GIMAP4: variants seen among roughly 807,000 people sequenced by gnomAD.
The protein encoded by GIMAP4 is GTPase IMAP family member 4.
In GIMAP4, 12 loss-of-function variants were observed where a neutral mutation model predicts 10.8. The ratio of observed to expected loss-of-function variants is 1.11; its 90% confidence interval spans 0.71 to 1.81. GIMAP4 has a LOEUF of 1.81. Among genes scored for constraint, GIMAP4 ranks in the 40% most tolerant of loss-of-function variants. GIMAP4 has a pLI of 0.00. For synonymous variants in GIMAP4, 149 were observed against 147.2 expected (o/e 1.01, Z -0.09); for missense variants, 412 against 404.6 (o/e 1.02, Z -0.16).
In GIMAP4 at chr7:150,572,794, G is replaced by C; in HGVS notation, c.724G>C (p.Glu242Gln). 2.5e-6 allele frequency: 4 copies of C among 1,614,084 alleles called. No homozygotes were observed. The highest frequency in any genetic ancestry group is 3.4e-6 in the Non-Finnish European group (4 of 1,179,972). The change falls in exon 3 of 3, where the codon GAA (glutamate) becomes CAA (glutamine). Residue 242 changes from glutamate to glutamine, a missense_variant. Coordinates refer to ENST00000255945, the MANE Select transcript of GIMAP4 (RefSeq NM_018326.3). ...EIQKQTQAMQELHRVELEREK... is the reference protein window; with the variant it reads ...EIQKQTQAMQQLHRVELEREK... ...CCAGAAGCAAACACAAGCAATGCAA[G>C]AACTCCACAGAGTGGAGCTGGAGAG... is the stretch of plus-strand genomic sequence containing the variant.
At position 150,572,327 on chromosome 7, in the gene GIMAP4, C is replaced by T. The variant is rs1378718859; in HGVS notation, c.257C>T (p.Thr86Ile). Residue 86 changes from threonine (T) to isoleucine (I), a missense_variant, in exon 3 of 3, where the codon ACA becomes ATA. Physicochemically the swap from Thr to Ile is moderately conservative, Grantham distance 89. Transcript: ENST00000255945. ...GAAACAGAACTTGTCGTAGTTGACA[C>T]ACCAGGCATTTTCGACACAGAGGTG... ...WKETELVVVD[T>I]PGIFDTEVPN... 6.8e-6 allele frequency: 11 copies of T among 1,613,958 alleles called. No homozygotes were observed. Among genetic ancestry groups the T allele is most frequent in the South Asian group, 5.5e-5 (5 of 91,088 alleles).
In GIMAP4 at chr7:150,573,773, A is replaced by G. The variant is rs1795766882; in HGVS notation, c.*713A>G. 1 of 152,182 alleles carries G rather than the reference A, an allele frequency of 6.6e-6. No homozygotes were observed. Among genetic ancestry groups the G allele is most frequent in the Non-Finnish European group, 1.5e-5 (1 of 68,030 alleles). 9.4% of individuals were successfully genotyped at this position (152,182 alleles called of 1,614,324 possible). ...TGTAGAAACTCTTTGACGAACCTCA[A>G]TTTAACCAATTTGATGAATACCCAG... On this transcript the variant is annotated 3_prime_UTR_variant, in exon 3 of 3. Coordinates refer to ENST00000255945, the MANE Select transcript of GIMAP4 (RefSeq NM_018326.3).
chr7:150,572,038 G>A (rs1473017473), intron 2 of GIMAP4, 91 bp from the exon 3 acceptor site: 6 of 773,334 alleles, frequency 7.8e-6, no homozygotes, highest in Admixed American at 2.4e-5. Context: ...AGCCAGTAAC[G>A]GAGGAGGGCA....
Position 150,572,761 on chromosome 7 carries a change from G to A in GIMAP4, c.691G>A (p.Glu231Lys), listed in dbSNP as rs766948682. ...YTNRMYQRAEEEIQKQTQAMQ... is the reference protein window; with the variant it reads ...YTNRMYQRAEKEIQKQTQAMQ... ...TAATAGGATGTACCAAAGGGCGGAG[G>A]AGGAGATCCAGAAGCAAACACAAGC... The change falls in exon 3 of 3, where the codon GAG becomes AAG. Residue 231 changes from glutamate to lysine, a missense_variant. Coordinates refer to ENST00000255945, the MANE Select transcript of GIMAP4 (RefSeq NM_018326.3). The A allele has an allele frequency of 1.2e-6, 2 of 1,614,086 alleles. No homozygotes were observed. The highest frequency in any genetic ancestry group is 1.3e-5 in the African/African-American group (1 of 74,908).
chr7:150,569,190 A>G (rs1795699047), intron 1 of GIMAP4, among the ~76,000 whole-genome samples: 1 of 152,204 alleles, frequency 6.6e-6, no homozygotes, highest in African/African-American at 2.4e-5. Flanking sequence ...AGAACATCTG[A>G]TTGTAGAGTA....
intron 2 of GIMAP4, among the ~76,000 whole-genome samples, chr7:150,571,610 G>A (rs951779943): frequency 5.9e-5 from 9 of 151,996 alleles, no homozygotes; most frequent in African/African-American, 1.5e-4. Context: ...GCGAAACCCC[G>A]TCTCTACTAA....
rs764098043 is a variant in GIMAP4 at position 150,572,315 on chromosome 7, T to G, written c.245T>G (p.Val82Gly). Reference sequence around the variant, plus strand: ...AGCTCATGGAAGGAAACAGAACTTGTCGTAGTTGACACACCAGGCATTTTC... The same window carrying G: ...AGCTCATGGAAGGAAACAGAACTTGGCGTAGTTGACACACCAGGCATTTTC... ...RSSSWKETEL[V>G]VVDTPGIFDT... The change falls in exon 3 of 3, where the codon GTC (valine) becomes GGC (glycine). Residue 82 changes from valine to glycine, a missense_variant. Val to Gly is a moderately radical substitution (Grantham distance 109). Transcript: ENST00000255945. The G allele has an allele frequency of 6.2e-7, 1 of 1,613,824 alleles. No homozygotes were observed. Among genetic ancestry groups the G allele is most frequent in the African/African-American group, 1.3e-5 (1 of 74,910 alleles).
At chr7:150,571,869 T>C (rs1046305044) in intron 2 of GIMAP4, among the ~76,000 whole-genome samples, 7 of 152,208 alleles carry the variant, frequency 4.6e-5, no homozygotes, top group African/African-American at 1.7e-4. Flanking sequence ...CTGGGCTACA[T>C]AGCTACAAAA....
Position 150,573,157 on chromosome 7 carries a change from C to T in GIMAP4, c.*97C>T. The T allele has an allele frequency of 1.3e-6, 1 of 748,978 alleles. No individual in the cohort carries two copies. 46.4% of individuals were successfully genotyped at this position (748,978 alleles called of 1,614,324 possible). ...TAGTCGAGTGCTCTAGTTTCTGTCT[C>T]TCAGGCACTCGTAACTAAGGACCAC... On this transcript the variant is annotated 3_prime_UTR_variant, in exon 3 of 3. Coordinates refer to ENST00000255945, the MANE Select transcript of GIMAP4 (RefSeq NM_018326.3).
chr7:150,568,275 T>TA (rs1307666576), intron 1 of GIMAP4, among the ~76,000 whole-genome samples: 1 of 152,188 alleles, frequency 6.6e-6, no homozygotes, highest in Non-Finnish European at 1.5e-5. Flanking sequence ...AGCTGATTTT[T>TA]AAAAAATGCC....
chr7:150,569,896 G>A lies in GIMAP4; in HGVS notation c.-6G>A. The A allele has an allele frequency of 1.3e-6, 2 of 1,518,344 alleles. No homozygotes were observed. Among genetic ancestry groups the A allele is most frequent in the Non-Finnish European group, 1.8e-6 (2 of 1,092,660 alleles). The allele number at this position is 1,518,344 out of a possible 1,614,324, so 94.1% of individuals were successfully genotyped here. A position where few individuals can be genotyped will look rare whatever the true frequency, so the allele number is the denominator to read the frequency against. ...TGTTTCTTGATCTACAGGAGTTCAAGCGACAATGGCAGCCCAATACGGCAG... is the reference window on the plus strand; with the variant it reads ...TGTTTCTTGATCTACAGGAGTTCAAACGACAATGGCAGCCCAATACGGCAG... On this transcript the variant is annotated 5_prime_UTR_variant, in exon 2 of 3. Coordinates refer to ENST00000255945, the MANE Select transcript of GIMAP4 (RefSeq NM_018326.3).
At position 150,573,818 on chromosome 7, in the gene GIMAP4, A is replaced by C. The variant is rs1360822290; in HGVS notation, c.*758A>C. On this transcript the variant is annotated 3_prime_UTR_variant, in exon 3 of 3. Transcript: ENST00000255945. ...ACCCAGTTCTCTTCTTTTCTAGAGA[A>C]AGATAGTTGCAACCTCACCTCCCTC... 6.6e-6 allele frequency: 1 copy of C among 152,232 alleles called. No individual in the cohort carries two copies. The highest frequency in any genetic ancestry group is 1.5e-5 in the Non-Finnish European group (1 of 68,046). 9.4% of individuals were successfully genotyped at this position (152,232 alleles called of 1,614,324 possible). A position where few individuals can be genotyped will look rare whatever the true frequency, so the allele number is the denominator to read the frequency against.
chr7:150,570,037 A>AAATT, intron 2 of GIMAP4, 78 bp downstream of exon 2: 1 of 426,712 alleles, frequency 2.3e-6, no homozygotes, highest in Non-Finnish European at 4.6e-6. Context: ...GGGGGGGAAT[A>AAATT]GGGGTGGGGT....
Position 150,572,584 on chromosome 7 carries a change from C to G in GIMAP4, c.514C>G (p.Pro172Ala). 1.2e-6 allele frequency: 2 copies of G among 1,614,030 alleles called. No individual in the cohort carries two copies. Among genetic ancestry groups the G allele is most frequent in the South Asian group, 1.1e-5 (1 of 91,072 alleles). The change falls in exon 3 of 3, where the codon CCA becomes GCA. Residue 172 changes from proline (P) to alanine (A), a missense_variant. By Grantham distance (27) the Pro-to-Ala change is conservative. Coordinates refer to ENST00000255945, the MANE Select transcript of GIMAP4 (RefSeq NM_018326.3). ...TTTGCATGACTACTTAAGGGAAGCTCCAGAAGACATTCAAGACTTGATGGA... is the reference window on the plus strand; with the variant it reads ...TTTGCATGACTACTTAAGGGAAGCTGCAGAAGACATTCAAGACTTGATGGA... Reference protein sequence around the residue: ...TNLHDYLREAPEDIQDLMDIF... With the variant: ...TNLHDYLREAAEDIQDLMDIF...
chr7:150,570,366 C>T (rs1585156714), intron 2 of GIMAP4, among the ~76,000 whole-genome samples: 1 of 152,056 alleles, frequency 6.6e-6, no homozygotes, highest in African/African-American at 2.4e-5. Flanking sequence ...AGTAATTGTC[C>T]CTCACCCTGG....
In GIMAP4 at chr7:150,571,776, C is replaced by T. The variant is rs572131212; in HGVS notation, c.59-353C>T. Among the ~76,000 whole-genome samples, 11 of 152,218 alleles carry T rather than the reference C, an allele frequency of 7.2e-5. No homozygotes were observed. The East Asian group carries it at 2.1e-3, about 29-fold the overall frequency. On this transcript the variant is annotated intron_variant, in intron 2 of 2. Coordinates refer to ENST00000255945, the MANE Select transcript of GIMAP4 (RefSeq NM_018326.3). ...AGCCTGGGCAACAAGAGTGAAACTCCGTCTCAAAAAGAAAAAATAAAGGTA... is the reference window on the plus strand; with the variant it reads ...AGCCTGGGCAACAAGAGTGAAACTCTGTCTCAAAAAGAAAAAATAAAGGTA...
At chr7:150,571,557 G>T (rs1196448695) in intron 2 of GIMAP4, among the ~76,000 whole-genome samples, 1 of 152,190 alleles carries the variant, frequency 6.6e-6, no homozygotes, top group Non-Finnish European at 1.5e-5. Flanking sequence ...GAGGCGGGTG[G>T]ATCATCTGAG....
At chr7:150,570,649 A>G (rs1317559) in intron 2 of GIMAP4, among the ~76,000 whole-genome samples, 118,372 of 152,120 alleles carry the variant, frequency 0.78, 46,697 homozygotes, top group African/African-American at 0.92. Context: ...CATCTGGGGT[A>G]AGCTAGTGCC....
rs921723818 is a variant in GIMAP4, at chr7:150,573,117, C to G, written c.*57C>G. The stretch of plus-strand genomic sequence containing the variant: ...TATTCTCTGGCAACCTTGCCCCATA[C>G]TTACTTATTTAGCATAGTCGAGTGC... On this transcript the variant is annotated 3_prime_UTR_variant, in exon 3 of 3. Coordinates refer to ENST00000255945, the MANE Select transcript of GIMAP4 (RefSeq NM_018326.3). The G allele has an allele frequency of 1.2e-5, 14 of 1,149,726 alleles. No individual in the cohort carries two copies. Among genetic ancestry groups the G allele is most frequent in the Non-Finnish European group, 1.7e-5 (13 of 787,214 alleles). 71.2% of individuals were successfully genotyped at this position (1,149,726 alleles called of 1,614,324 possible).
Sources: allele counts gnomAD v4.1 joint callset (sites outside exome capture counted in the v4.1 genomes callset), GRCh38; gene constraint gnomAD v4.1.1; transcripts MANE v1.5; gene names NCBI Gene and HGNC (gene_info 2026-07-23, HGNC 2026-07-21).